The following AP1M2 variants were observed in gnomAD, a reference collection of about 807,000 sequenced individuals.
The protein encoded by AP1M2 is AP-1 complex subunit mu-2.
Under a neutral mutation model 54.6 loss-of-function variants are expected in AP1M2, and 41 were observed. The ratio of observed to expected loss-of-function variants is 0.75; its 90% CI spans 0.59 to 0.97. The LOEUF is 0.97. Among genes scored for constraint, AP1M2 ranks in the 50% least tolerant of loss-of-function variants. The pLI is 0.00. For missense variants in AP1M2, 507 were observed against 561.2 expected (o/e 0.90, Z 0.98); for synonymous variants, 219 against 215.9 (o/e 1.01, Z -0.13).
chr19:10,586,506 C>T (rs1312468207), intron 1 of AP1M2, among the ~76,000 whole-genome samples: 2 of 150,430 alleles, frequency 1.3e-5, no homozygotes, highest in Non-Finnish European at 3.0e-5. Context: ...GGGGTCAGCC[C>T]GCAGCCCCAG....
At position 10,574,609 on chromosome 19, in the gene AP1M2, G is replaced by A. The variant is rs115563589; in HGVS notation, c.1174-117C>T. 2,293 of 895,290 alleles carry A rather than the reference G, an allele frequency of 2.6e-3. 31 individuals carry two copies. The African/African-American group carries it at 0.035, about 14-fold the overall frequency. The allele number at this position is 895,290 out of a possible 1,614,324, so 55.5% of individuals were successfully genotyped here. On this transcript the variant is annotated intron_variant, in intron 10 of 11. Transcript: ENST00000250244. ...TGGCACAGGCTGGGATCGATGAGGG[G>A]ATATCACATGGTCTTAGGGGGATGA...
intron 9 of AP1M2, 106 bp from the exon 10 acceptor site, chr19:10,575,135 A>C: frequency 8.0e-7 from 1 of 1,243,462 alleles, no homozygotes; most frequent in African/African-American, 1.6e-5. Context: ...CATTTCACAG[A>C]CAGGAAAATA....
chr19:10,585,283 A>C (rs2023335), intron 1 of AP1M2, among the ~76,000 whole-genome samples: 1 of 104,570 alleles, frequency 9.6e-6, no homozygotes, highest in Admixed American at 9.6e-5. Flanking sequence ...AAAGAAGAAA[A>C]AAAGAAAGAA....
chr19:10,581,633 A>C lies in AP1M2; in HGVS notation c.400T>G (p.Tyr134Asp), dbSNP rs1232982402. ...QTTDSKILQEYITQQSNKLET... is the reference protein window; with the variant it reads ...QTTDSKILQEDITQQSNKLET... ...AGCTTGTTGCTCTGCTGAGTGATGTACCTGGAGGGAGGGCGGCAGGGACAA... is the reference window on the plus strand; with the variant it reads ...AGCTTGTTGCTCTGCTGAGTGATGTCCCTGGAGGGAGGGCGGCAGGGACAA... The change falls in exon 5 of 12, where the codon TAC becomes GAC. Residue 134 changes from tyrosine (Y) to aspartate (D), a missense_variant and splice_region_variant. By Grantham distance (160) the Tyr-to-Asp change is radical. Coordinates refer to ENST00000250244, the MANE Select transcript of AP1M2 (RefSeq NM_005498.5). 1.9e-6 allele frequency: 3 copies of C among 1,613,584 alleles called. No individual in the cohort carries two copies. The highest frequency in any genetic ancestry group is 2.5e-6 in the Non-Finnish European group (3 of 1,179,890).
intron 1 of AP1M2, among the ~76,000 whole-genome samples, chr19:10,585,313 AAGAAAGAAAGAAAGAAAG>A (rs1568434824): frequency 2.7e-5 from 4 of 147,568 alleles, no homozygotes; most frequent in Admixed American, 6.8e-5. Context: ...GAAAGAAAGA[AAGAAAGAAAGAAAGAAAG>A]AAAGAAAGAA....
rs1568432441 is a variant in AP1M2 at position 10,581,316 on chromosome 19, G to A, written c.623C>T (p.Pro208Leu). Residue 208 changes from proline (P) to leucine (L), a missense_variant, in exon 6 of 12, where the codon CCA becomes CTA. By Grantham distance (98) the Pro-to-Leu change is moderately conservative (BLOSUM62 -3). Coordinates refer to ENST00000250244, the MANE Select transcript of AP1M2 (RefSeq NM_005498.5). ...IKLKVFLSGM[P>L]ELRLGLNDRV... ...GTCATTGAGGCCCAGCCGCAGCTCTGGCATTCCTGACAGAAACACCTTGAG... is the reference window on the plus strand; with the variant it reads ...GTCATTGAGGCCCAGCCGCAGCTCTAGCATTCCTGACAGAAACACCTTGAG... 1 of 1,613,906 alleles carries A rather than the reference G, an allele frequency of 6.2e-7. No homozygotes were observed.
In AP1M2 at chr19:10,581,398, G is replaced by A. The variant is rs760088356; in HGVS notation, c.547-6C>T. 5 of 1,610,246 alleles carry A rather than the reference G, an allele frequency of 3.1e-6. No individual in the cohort carries two copies. Among genetic ancestry groups the A allele is most frequent in the Non-Finnish European group, 3.4e-6 (4 of 1,176,902 alleles). ...ACGCTGCCGTTGGCATTGACCTGAG[G>A]GAGGACGTTGGGTATAGTTAGCAGG... On this transcript the variant is annotated splice_region_variant and splice_polypyrimidine_tract_variant and intron_variant, in intron 5 of 11. Coordinates refer to ENST00000250244, the MANE Select transcript of AP1M2 (RefSeq NM_005498.5).
chr19:10,586,790 C>T (rs1917667098), intron 1 of AP1M2, among the ~76,000 whole-genome samples: 1 of 152,140 alleles, frequency 6.6e-6, no homozygotes, highest in Admixed American at 6.6e-5. Flanking sequence ...AAGGCAGCCA[C>T]AGATGGGGGG....
chr19:10,584,673 AAGGAAGGT>A (rs148285494), intron 1 of AP1M2, among the ~76,000 whole-genome samples: 38,526 of 151,580 alleles, frequency 0.25, 5,860 homozygotes, highest in East Asian at 0.66. Context: ...GGAAGGAAGG[AAGGAAGGT>A]AGGCAGGCAG....
At position 10,581,812 on chromosome 19, in the gene AP1M2, C is replaced by T. The variant is rs770998547; in HGVS notation, c.334G>A (p.Glu112Lys). ...AAGTCCATGAGCTCGTCCAGCAACT[C>T]GTAGACGATGACAAAGTTGTCCCGG... ...SIRDNFVIVY[E>K]LLDELMDFGF... Residue 112 changes from glutamate (E) to lysine (K), a missense_variant, in exon 4 of 12, where the codon GAG becomes AAG. Glu to Lys is a moderately conservative substitution (Grantham distance 56). Transcript: ENST00000250244. 1.1e-5 allele frequency: 17 copies of T among 1,613,898 alleles called. No individual in the cohort carries two copies. The highest frequency in any genetic ancestry group is 1.0e-4 in the Admixed American group (6 of 59,976).
In AP1M2 at chr19:10,574,484, G is replaced by T; in HGVS notation, c.1182C>A (p.Tyr394Ter). 6.4e-7 allele frequency: 1 copy of T among 1,564,270 alleles called. No homozygotes were observed. Among genetic ancestry groups the T allele is most frequent in the Non-Finnish European group, 8.7e-7 (1 of 1,154,182 alleles). The change falls in exon 11 of 12, where the codon TAC becomes TAA. Residue 394 changes from tyrosine (Y) to a stop codon, truncating the protein, a stop_gained. Coordinates refer to ENST00000250244, the MANE Select transcript of AP1M2 (RefSeq NM_005498.5). LOFTEE classifies it high-confidence loss of function. The part of the protein sequence containing the change: ...YFTVSGIQVR[Y>*]MKIIEKSGYQ... ...AACCACTTTTCTCAATGATCTTCAT[G>T]TATCGGACCTGGAAGGGAATGAAAA...
At chr19:10,573,545 C>G (rs1177815128) in intron 11 of AP1M2, among the ~76,000 whole-genome samples, 1 of 151,984 alleles carries the variant, frequency 6.6e-6, no homozygotes, top group Non-Finnish European at 1.5e-5. Context: ...GGTACTGTAA[C>G]CATAGAAACA....
intron 5 of AP1M2, 35 bp downstream of exon 5, chr19:10,581,452 C>T (rs761275334): frequency 2.7e-5 from 44 of 1,611,112 alleles, no homozygotes; most frequent in Non-Finnish European, 3.4e-5. Flanking sequence ...GCAGCCAGGC[C>T]GTGGAAGGGG....
At chr19:10,576,334 C>T (rs1170859117) in intron 9 of AP1M2, among the ~76,000 whole-genome samples, 1 of 146,134 alleles carries the variant, frequency 6.8e-6, no homozygotes, top group East Asian at 2.1e-4. Context: ...GTGATCTCTG[C>T]TCACTGCAAG....
At chr19:10,582,245 T>C (rs1439296070) in intron 3 of AP1M2, among the ~76,000 whole-genome samples, 1 of 152,050 alleles carries the variant, frequency 6.6e-6, no homozygotes, top group African/African-American at 2.4e-5. Context: ...GGTTTCACAA[T>C]GTTGGCCAGG....
Position 10,587,221 on chromosome 19 carries a change from G to A in AP1M2, c.11C>T (p.Ser4Leu), listed in dbSNP as rs867461813. ...CTTAACGTCCAGAATGAAGACAGCCGAGGCGGACATGGTGGCGGCCGAAGG... is the reference window on the plus strand; with the variant it reads ...CTTAACGTCCAGAATGAAGACAGCCAAGGCGGACATGGTGGCGGCCGAAGG... Reference protein sequence around the residue: MSASAVFILDVKGK... With the variant: MSALAVFILDVKGK... The change falls in exon 1 of 12, where the codon TCG becomes TTG. Residue 4 changes from serine to leucine, a missense_variant. Physicochemically the swap from Ser to Leu is moderately radical, Grantham distance 145 (BLOSUM62 -2). Coordinates refer to ENST00000250244, the MANE Select transcript of AP1M2 (RefSeq NM_005498.5). The A allele has an allele frequency of 1.3e-6, 2 of 1,563,926 alleles. No homozygotes were observed. The highest frequency in any genetic ancestry group is 1.2e-5 in the South Asian group (1 of 84,734).
intron 6 of AP1M2, 87 bp downstream of exon 6, chr19:10,581,179 G>C (rs185685060): frequency 6.6e-7 from 1 of 1,504,574 alleles, no homozygotes; most frequent in Non-Finnish European, 8.9e-7. Flanking sequence ...ATTTCAAAAC[G>C]GGCTGCGATT....
In AP1M2 at chr19:10,572,823, T is replaced by G; in HGVS notation, c.*243A>C. The G allele has an allele frequency of 2.2e-6, 1 of 445,306 alleles. No homozygotes were observed. The highest frequency in any genetic ancestry group is 4.1e-6 in the Non-Finnish European group (1 of 245,754). The allele number at this position is 445,306 out of a possible 1,614,324, so 27.6% of individuals were successfully genotyped here. A position where few individuals can be genotyped will look rare whatever the true frequency, so the allele number is the denominator to read the frequency against. ...AGGAGGACTTCAAGCCCCTCTTCTA[T>G]TTCTTCATATAAAATCAGGGGGATG... On this transcript the variant is annotated 3_prime_UTR_variant, in exon 12 of 12. Transcript: ENST00000250244.
chr19:10,581,454 T>C (rs1473822848), intron 5 of AP1M2, 33 bp downstream of exon 5: 4 of 1,611,202 alleles, frequency 2.5e-6, no homozygotes, highest in South Asian at 1.1e-5. Context: ...AGCCAGGCCG[T>C]GGAAGGGGTG....
Sources: gnomAD v4.1 joint callset for allele counts (sites outside exome capture counted in the v4.1 genomes callset) on GRCh38, gnomAD v4.1.1 for gene constraint, MANE v1.5 for transcripts, NCBI Gene and HGNC (gene_info 2026-07-23, HGNC 2026-07-21) for gene names.